Variants in DISC1 observed in about 807,000 individuals in gnomAD.
DISC1 encodes the protein DISC1 scaffold protein, also known as disrupted in schizophrenia 1 protein.
In DISC1, 57 loss-of-function variants were observed where a neutral mutation model predicts 84.5. The ratio of observed to expected loss-of-function variants is 0.67; its 90% CI spans 0.55 to 0.84. The LOEUF is 0.84. Among genes scored for constraint, DISC1 ranks in the 40% least tolerant of loss-of-function variants. DISC1 has a pLI of 0.00. For synonymous variants in DISC1, 411 were observed against 415.2 expected (o/e 0.99, Z 0.12); for missense variants, 1,000 against 1,057.8 (o/e 0.95, Z 0.76).
intron 3 of DISC1, among the ~76,000 whole-genome samples, chr1:231,704,562 C>T (rs900410208): frequency 1.1e-4 from 17 of 152,090 alleles, no homozygotes; most frequent in African/African-American, 4.1e-4. Context: ...CGATACCATC[C>T]TGGCTAACGC....
chr1:231,705,768 G>A (rs1202629326), intron 3 of DISC1, among the ~76,000 whole-genome samples: 1 of 152,066 alleles, frequency 6.6e-6, no homozygotes, highest in Non-Finnish European at 1.5e-5. Flanking sequence ...TTTAAGAATT[G>A]TTGAGTTTTT....
At chr1:231,950,899 A>G (rs1337739387) in intron 9 of DISC1, among the ~76,000 whole-genome samples, 1 of 152,196 alleles carries the variant, frequency 6.6e-6, no homozygotes, top group Non-Finnish European at 1.5e-5. Context: ...TACCTATGTA[A>G]GTATCAAGAC....
At chr1:231,958,206 A>T (rs1381760026) in intron 9 of DISC1, among the ~76,000 whole-genome samples, 1 of 152,222 alleles carries the variant, frequency 6.6e-6, no homozygotes, top group African/African-American at 2.4e-5. Context: ...AATCTCTTTT[A>T]TCCGTAAAGT....
rs1008105342 is a variant in DISC1 at position 231,969,484 on chromosome 1, G to T, written c.2042+10596G>T. ...TCCCATCACTTCTGAGATTTGGGGA[G>T]CTCCAAGGCCCCTCCTCTTGACCCT... On this transcript the variant is annotated intron_variant, in intron 10 of 12. Transcript: ENST00000439617. 6.6e-5 allele frequency among the ~76,000 whole-genome samples: 10 copies of T among 152,024 alleles called. No individual in the cohort carries two copies. In the East Asian group the frequency reaches 1.7e-3, roughly 26 times the overall value.
intron 10 of DISC1, among the ~76,000 whole-genome samples, chr1:231,963,744 G>C (rs895297626): frequency 6.8e-4 from 104 of 152,176 alleles, no homozygotes; most frequent in African/African-American, 2.4e-3. Flanking sequence ...ATTCGGCTAG[G>C]AGCTTCGGCA....
intron 1 of DISC1, among the ~76,000 whole-genome samples, chr1:231,678,228 CAG>C (rs913288436): frequency 4.6e-4 from 70 of 152,204 alleles, no homozygotes; most frequent in African/African-American, 1.7e-3. Flanking sequence ...AGACTGTTAA[CAG>C]AGGGGGATGG....
intron 1 of DISC1, among the ~76,000 whole-genome samples, chr1:231,652,204 T>C (rs926303593): frequency 2.6e-5 from 4 of 152,214 alleles, no homozygotes; most frequent in Non-Finnish European, 5.9e-5. Flanking sequence ...GAGCTGTTCC[T>C]ATTTGGCCAT....
At chr1:231,751,492 T>C (rs1461366407) in intron 4 of DISC1, among the ~76,000 whole-genome samples, 1 of 152,352 alleles carries the variant, frequency 6.6e-6, no homozygotes, top group East Asian at 1.9e-4. Flanking sequence ...GATTAAGTGA[T>C]TAAGCCATTG....
At chr1:231,925,635 A>G (rs905241947) in intron 9 of DISC1, among the ~76,000 whole-genome samples, 8 of 152,238 alleles carry the variant, frequency 5.3e-5, no homozygotes, top group Non-Finnish European at 1.0e-4. Context: ...TTCTTGGATT[A>G]TAAGATCTTT....
intron 6 of DISC1, among the ~76,000 whole-genome samples, chr1:231,785,742 G>C (rs2077800857): frequency 6.6e-6 from 1 of 152,162 alleles, no homozygotes; most frequent in African/African-American, 2.4e-5. Context: ...GATGGGATAG[G>C]GAATGTAGGG....
At chr1:231,732,968 AGTG>A (rs2071740836) in intron 3 of DISC1, among the ~76,000 whole-genome samples, 4 of 152,034 alleles carry the variant, frequency 2.6e-5, no homozygotes, top group South Asian at 4.1e-4. Flanking sequence ...TGGTGATAGG[AGTG>A]GTGGTGGTGA....
intron 11 of DISC1, among the ~76,000 whole-genome samples, chr1:232,017,397 TA>T (rs963829916): frequency 6.0e-4 from 91 of 152,030 alleles, no homozygotes; most frequent in African/African-American, 2.2e-3. Flanking sequence ...TAAATTTTTT[TA>T]AAAAACTTAA....
chr1:231,861,452 GTTTT>G (rs59522401), intron 9 of DISC1, among the ~76,000 whole-genome samples: 40 of 88,980 alleles, frequency 4.5e-4, no homozygotes, highest in East Asian at 1.7e-3. Context: ...ATTTTGACAA[GTTTT>G]TTTTTTTTTT....
chr1:231,663,326 T>A (rs540855636), intron 1 of DISC1, among the ~76,000 whole-genome samples: 2 of 152,308 alleles, frequency 1.3e-5, no homozygotes, highest in South Asian at 4.1e-4. Flanking sequence ...AAGCAAATGT[T>A]GACAGAAATG....
At chr1:231,677,407 G>T (rs1363687915) in intron 1 of DISC1, among the ~76,000 whole-genome samples, 1 of 152,198 alleles carries the variant, frequency 6.6e-6, no homozygotes, top group African/African-American at 2.4e-5. Flanking sequence ...TAAAGACTGT[G>T]CTGGAAAATT....
intron 10 of DISC1, among the ~76,000 whole-genome samples, chr1:232,001,314 G>C: frequency 6.6e-6 from 1 of 152,104 alleles, no homozygotes; most frequent in African/African-American, 2.4e-5. Flanking sequence ...CCTGACCTCA[G>C]GTGATCCACC....
intron 1 of DISC1, among the ~76,000 whole-genome samples, chr1:231,683,113 T>G (rs191873847): frequency 3.3e-5 from 5 of 152,358 alleles, no homozygotes; most frequent in African/African-American, 7.2e-5. Context: ...TAGACCATAC[T>G]TTTTCTACTT....
intron 9 of DISC1, among the ~76,000 whole-genome samples, chr1:231,918,502 T>C (rs201343983): frequency 5.3e-4 from 81 of 152,358 alleles, no homozygotes; most frequent in Non-Finnish European, 1.0e-3. Flanking sequence ...TTAAATGAGA[T>C]GGCAGCCCTC....
At chr1:231,923,957 GTAC>G (rs2090175871) in intron 9 of DISC1, among the ~76,000 whole-genome samples, 1 of 152,194 alleles carries the variant, frequency 6.6e-6, no homozygotes, top group Non-Finnish European at 1.5e-5. Flanking sequence ...TTCTGAAGTT[GTAC>G]AACGGAGCAT....
Sources: allele counts gnomAD v4.1 joint callset (sites outside exome capture counted in the v4.1 genomes callset), GRCh38; gene constraint gnomAD v4.1.1; transcripts MANE v1.5; gene names NCBI Gene and HGNC (gene_info 2026-07-23, HGNC 2026-07-21).